Variants in MSR1 observed in about 807,000 individuals in gnomAD.
MSR1 encodes the protein macrophage scavenger receptor 1.
Under a neutral mutation model 47.2 loss-of-function variants are expected in MSR1, and 53 were observed. The observed-to-expected ratio is 1.12, with a 90% CI of 0.90 to 1.41. The LOEUF (loss-of-function observed/expected upper bound fraction) is 1.41. Ranked by LOEUF, MSR1 falls within the 40% of genes most tolerant of loss-of-function variation. The pLI is 0.00. For missense variants in MSR1, 786 were observed against 546.9 expected (o/e 1.44, Z -4.36); for synonymous variants, 239 against 185.6 (o/e 1.29, Z -2.34).
chr8:16,158,144 G>T (rs2117153241), intron 5 of MSR1, among the ~76,000 whole-genome samples: 1 of 151,868 alleles, frequency 6.6e-6, no homozygotes, highest in Non-Finnish European at 1.5e-5. Context: ...CAAAATATAT[G>T]ATTTATTCTA....
intron 8 of MSR1, among the ~76,000 whole-genome samples, chr8:16,136,446 C>G (rs1269796020): frequency 6.6e-6 from 1 of 151,728 alleles, no homozygotes; most frequent in Admixed American, 6.6e-5. Flanking sequence ...GTAAATATAA[C>G]TATTATATGC....
intron 1 of MSR1, 97 bp from the exon 2 acceptor site, chr8:16,178,089 T>C: frequency 1.1e-6 from 1 of 939,252 alleles, no homozygotes; most frequent in Non-Finnish European, 1.6e-6. Flanking sequence ...TGAAATGGAA[T>C]CTATTCAGTT....
intron 1 of MSR1, among the ~76,000 whole-genome samples, chr8:16,183,917 C>T (rs1188067082): frequency 1.2e-4 from 18 of 144,482 alleles, no homozygotes; most frequent in Admixed American, 1.2e-3. Context: ...ATATATGGCA[C>T]AGGCATAGTA....
At chr8:16,121,028 A>G (rs566728987) in intron 8 of MSR1, 3 of 329,942 alleles carry the variant, frequency 9.1e-6, no homozygotes, top group Middle Eastern at 4.2e-4. Flanking sequence ...TTTCAATACT[A>G]TAGGAGGGCG....
At chr8:16,148,614 G>A (rs1800762864) in intron 7 of MSR1, among the ~76,000 whole-genome samples, 1 of 151,824 alleles carries the variant, frequency 6.6e-6, no homozygotes, top group African/African-American at 2.4e-5. Context: ...GCTAATTTTT[G>A]TATCTTTTGG....
At chr8:16,149,435 C>T (rs1800785693) in intron 7 of MSR1, among the ~76,000 whole-genome samples, 1 of 151,884 alleles carries the variant, frequency 6.6e-6, no homozygotes, top group African/African-American at 2.4e-5. Flanking sequence ...CACTATGTTG[C>T]TCAGGCTCGT....
intron 8 of MSR1, among the ~76,000 whole-genome samples, chr8:16,125,993 A>C (rs529693855): frequency 6.6e-6 from 1 of 152,278 alleles, no homozygotes; most frequent in Non-Finnish European, 1.5e-5. Flanking sequence ...AACATTTCAA[A>C]GGTCCAAGTG....
chr8:16,181,431 A>G (rs1345155685), intron 1 of MSR1, among the ~76,000 whole-genome samples: 2 of 152,332 alleles, frequency 1.3e-5, no homozygotes, highest in South Asian at 2.1e-4. Context: ...TGGATAAAGA[A>G]AATGTGGCAC....
chr8:16,158,084 C>A (rs1021323712), intron 5 of MSR1, among the ~76,000 whole-genome samples: 8 of 151,850 alleles, frequency 5.3e-5, no homozygotes, highest in African/African-American at 1.9e-4. Context: ...AAAATGCTAC[C>A]TGTCAGCTCC....
In MSR1 at chr8:16,150,239, C is replaced by A. The variant is rs749312454; in HGVS notation, c.971G>T (p.Gly324Val). 1.3e-5 allele frequency: 20 copies of A among 1,535,648 alleles called. No individual in the cohort carries two copies. The change falls in exon 7 of 10, where the codon GGA becomes GTA. Residue 324 changes from glycine to valine, a missense_variant. Gly to Val is a moderately radical substitution (Grantham distance 109). Transcript: ENST00000262101. Reference sequence around the variant, plus strand: ...ACACATTATTGTAATACCTGGCCTTCCGGCATATCCTGGGAGTCCTCGACT... The same window carrying A: ...ACACATTATTGTAATACCTGGCCTTACGGCATATCCTGGGAGTCCTCGACT... ...PGSRGLPGYA[G>V]RPGNSGPKGQ...
chr8:16,183,782 T>G (rs1801911338), intron 1 of MSR1, among the ~76,000 whole-genome samples: 3 of 143,606 alleles, frequency 2.1e-5, no homozygotes, highest in East Asian at 3.9e-4. Flanking sequence ...TATATTATGT[T>G]AATATATTAT....
Position 16,143,546 on chromosome 8 carries a change from C to G in MSR1, c.1033+12G>C, listed in dbSNP as rs34230180. 8.4e-5 allele frequency: 135 copies of G among 1,609,282 alleles called. No homozygotes were observed. The African/African-American group carries it at 1.5e-3, about 18-fold the overall frequency. ...AAGAATTCACACAGAAAACAAAATA[C>G]TATATACTTACTTAATGTGTTTCCA... On this transcript the variant is annotated intron_variant, in intron 8 of 9. Transcript: ENST00000262101.
intron 1 of MSR1, among the ~76,000 whole-genome samples, chr8:16,189,937 T>C (rs1039082148): frequency 3.0e-5 from 4 of 135,468 alleles, no homozygotes; most frequent in Admixed American, 8.3e-5. Context: ...TTTTTTGAGA[T>C]TGAGTCTTGC....
At chr8:16,117,000 G>A (rs949479077) in intron 9 of MSR1, among the ~76,000 whole-genome samples, 24 of 152,072 alleles carry the variant, frequency 1.6e-4, no homozygotes, top group Non-Finnish European at 2.9e-4. Flanking sequence ...TGTAATAGAT[G>A]AAAAAGCCTC....
intron 8 of MSR1, among the ~76,000 whole-genome samples, chr8:16,128,586 C>G (rs1220533317): frequency 6.6e-6 from 1 of 152,114 alleles, no homozygotes. Flanking sequence ...CTGTGGTATT[C>G]TGTTCTGACA....
intron 8 of MSR1, 173 bp from the exon 9 acceptor site, chr8:16,120,779 G>T (rs894151424): frequency 4.9e-6 from 4 of 810,036 alleles, no homozygotes; most frequent in Non-Finnish European, 5.6e-6. Context: ...TATTGGTAAA[G>T]AGTTTAACTG....
chr8:16,163,524 A>C (rs1216429338), intron 5 of MSR1, among the ~76,000 whole-genome samples: 1 of 151,406 alleles, frequency 6.6e-6, no homozygotes, highest in Non-Finnish European at 1.5e-5. Flanking sequence ...ATGTAAAGCT[A>C]AAACTGAAAG....
chr8:16,151,092 G>T (rs1369757792), intron 6 of MSR1, among the ~76,000 whole-genome samples: 1 of 151,978 alleles, frequency 6.6e-6, no homozygotes, highest in Non-Finnish European at 1.5e-5. Flanking sequence ...ATAAACTATT[G>T]TAACAGTTTA....
intron 4 of MSR1, among the ~76,000 whole-genome samples, chr8:16,166,160 CTTTCTTTTTTTTTTTT>C (rs1018004262): frequency 8.6e-6 from 1 of 116,896 alleles, no homozygotes; most frequent in Non-Finnish European, 1.7e-5. Context: ...GCTACTTTTT[CTTTCTTTTTTTTTTTT>C]TTTTTTTTTT....
Sources: allele counts gnomAD v4.1 joint callset (sites outside exome capture counted in the v4.1 genomes callset), GRCh38; gene constraint gnomAD v4.1.1; transcripts MANE v1.5; gene names NCBI Gene and HGNC (gene_info 2026-07-23, HGNC 2026-07-21).